HTR7: variants seen among roughly 807,000 people sequenced by gnomAD.
The protein encoded by HTR7 is 5-HT-7.
A neutral mutation model predicts 34.0 loss-of-function variants in HTR7; 16 were observed. The ratio of observed to expected loss-of-function variants is 0.47; its 90% CI spans 0.32 to 0.71. The LOEUF is 0.71. Among genes scored for constraint, HTR7 ranks in the 30% least tolerant of loss-of-function variants. The probability of loss-of-function intolerance (pLI) is 0.04; values close to 1 mark genes in which losing one functional copy is unlikely to be tolerated. For missense variants in HTR7, 504 were observed against 625.5 expected, an observed-to-expected ratio of 0.81 and a Z score of 2.07; for synonymous variants, 265 against 260.2, an observed-to-expected ratio of 1.02 and a Z score of -0.18.
chr10:90,835,684 A>C (rs189774396), intron 1 of HTR7, among the ~76,000 whole-genome samples: 1 of 152,160 alleles, frequency 6.6e-6, no homozygotes, highest in African/African-American at 2.4e-5. Context: ...GTCCCAAAGG[A>C]CCTCAGCATT....
chr10:90,805,043 T>C (rs1333197595), intron 1 of HTR7, among the ~76,000 whole-genome samples: 1 of 152,206 alleles, frequency 6.6e-6, no homozygotes, highest in Non-Finnish European at 1.5e-5. Flanking sequence ...CTGTTTTATA[T>C]TGCATTACCT....
chr10:90,802,996 C>CTTTTTTTTTTTTTTT (rs35715510), intron 1 of HTR7, among the ~76,000 whole-genome samples: 3 of 89,006 alleles, frequency 3.4e-5, no homozygotes, highest in African/African-American at 4.4e-5. Flanking sequence ...CATTTGTGGC[C>CTTTTTTTTTTTTTTT]TTTTTTTTTT....
chr10:90,815,058 G>GTTT, intron 1 of HTR7, among the ~76,000 whole-genome samples: 1 of 151,670 alleles, frequency 6.6e-6, no homozygotes, highest in Non-Finnish European at 1.5e-5. Flanking sequence ...AAAAATGCAG[G>GTTT]ATTGCAAAAG....
intron 1 of HTR7, among the ~76,000 whole-genome samples, chr10:90,830,598 C>G (rs1187628599): frequency 1.3e-5 from 2 of 151,926 alleles, no homozygotes; most frequent in Non-Finnish European, 2.9e-5. Context: ...CCAGCCTGGG[C>G]AACATGATGA....
intron 1 of HTR7, among the ~76,000 whole-genome samples, chr10:90,836,018 C>A (rs781457934): frequency 6.6e-6 from 1 of 152,090 alleles, no homozygotes; most frequent in Non-Finnish European, 1.5e-5. Flanking sequence ...GCACCCAAAC[C>A]CTCCCCATTC....
intron 1 of HTR7, among the ~76,000 whole-genome samples, chr10:90,753,075 T>C (rs941651628): frequency 5.9e-5 from 9 of 152,174 alleles, no homozygotes; most frequent in African/African-American, 2.2e-4. Context: ...AGTCAAATCA[T>C]AAACTAGAAA....
intron 1 of HTR7, among the ~76,000 whole-genome samples, chr10:90,818,217 T>A (rs1845926375): frequency 1.3e-5 from 2 of 152,240 alleles, no homozygotes; most frequent in Admixed American, 1.3e-4. Flanking sequence ...AACATTGTTC[T>A]GCACTCATTA....
intron 1 of HTR7, among the ~76,000 whole-genome samples, chr10:90,781,753 A>C (rs1845308206): frequency 6.6e-6 from 1 of 152,250 alleles, no homozygotes. Context: ...TTCATGCTTC[A>C]GATTTTCTAC....
At chr10:90,767,997 C>T (rs1013991780) in intron 1 of HTR7, among the ~76,000 whole-genome samples, 2 of 152,132 alleles carry the variant, frequency 1.3e-5, no homozygotes, top group Non-Finnish European at 2.9e-5. Flanking sequence ...TTATTCACTC[C>T]TTCCTCTAAC....
chr10:90,745,014 A>T (rs1844612315), intron 2 of HTR7, among the ~76,000 whole-genome samples: 4 of 152,138 alleles, frequency 2.6e-5, no homozygotes, highest in Non-Finnish European at 5.9e-5. Context: ...TTGAGTTCAT[A>T]TCCTTCAGGA....
chr10:90,787,312 AC>A (rs1171773157), intron 1 of HTR7, among the ~76,000 whole-genome samples: 1 of 151,922 alleles, frequency 6.6e-6, no homozygotes, highest in East Asian at 1.9e-4. Flanking sequence ...ATATGGTGAA[AC>A]CCCGTCTCTA....
At chr10:90,838,677 T>C (rs1471241744) in intron 1 of HTR7, among the ~76,000 whole-genome samples, 3 of 152,216 alleles carry the variant, frequency 2.0e-5, no homozygotes, top group Non-Finnish European at 2.9e-5. Context: ...CTTCCAGGTT[T>C]TCCTTTTGTC....
chr10:90,789,771 G>C (rs767847507), intron 1 of HTR7, among the ~76,000 whole-genome samples: 1 of 152,126 alleles, frequency 6.6e-6, no homozygotes, highest in Non-Finnish European at 1.5e-5. Flanking sequence ...TTTGGATTTG[G>C]GGAGGTCCAG....
At chr10:90,777,382 G>A (rs185333315) in intron 1 of HTR7, among the ~76,000 whole-genome samples, 1,817 of 151,670 alleles carry the variant, frequency 0.012, 31 homozygotes, top group African/African-American at 0.037. Context: ...TAAGGATGCT[G>A]AGGCAGGAGA....
chr10:90,741,242 C>T lies in HTR7; in HGVS notation c.*1240G>A, dbSNP rs941299017. The T allele has an allele frequency of 2.0e-5, 3 of 152,582 alleles. No individual in the cohort carries two copies. Among genetic ancestry groups the T allele is most frequent in the Non-Finnish European group, 4.4e-5 (3 of 68,028 alleles). The allele number at this position is 152,582 out of a possible 1,614,324, so 9.5% of individuals were successfully genotyped here. On this transcript the variant is annotated 3_prime_UTR_variant, in exon 4 of 4. Transcript: ENST00000336152. ...GTAGGTACAGGTACTCTTCTATTCT[C>T]ATCTACTGTCTTTCTGTCTCCTTAG... is the stretch of plus-strand genomic sequence containing the variant.
chr10:90,827,254 A>G (rs956069728), intron 1 of HTR7, among the ~76,000 whole-genome samples: 3 of 152,100 alleles, frequency 2.0e-5, no homozygotes, highest in Non-Finnish European at 4.4e-5. Context: ...CAATGAAAAG[A>G]CACAGAGTAG....
At chr10:90,756,087 A>T (rs1844829292) in intron 1 of HTR7, among the ~76,000 whole-genome samples, 1 of 152,262 alleles carries the variant, frequency 6.6e-6, no homozygotes, top group Admixed American at 6.5e-5. Context: ...TTTCACAAAC[A>T]TAAGCTCGAG....
chr10:90,759,048 G>A (rs1844886292), intron 1 of HTR7, among the ~76,000 whole-genome samples: 1 of 151,988 alleles, frequency 6.6e-6, no homozygotes. Context: ...TTAGCTGGGC[G>A]TGGTGGCACA....
At chr10:90,852,202 T>TAAAAAAAAAAAAA (rs60371298) in intron 1 of HTR7, among the ~76,000 whole-genome samples, 6 of 135,266 alleles carry the variant, frequency 4.4e-5, no homozygotes, top group South Asian at 2.4e-4. Context: ...TTATGTGAAG[T>TAAAAAAAAAAAAA]AAAAAAAAAA....
Sources: gnomAD v4.1 joint callset for allele counts (sites outside exome capture counted in the v4.1 genomes callset) on GRCh38, gnomAD v4.1.1 for gene constraint, MANE v1.5 for transcripts, NCBI Gene and HGNC (gene_info 2026-07-23, HGNC 2026-07-21) for gene names.